Variants in CDH7 observed in about 807,000 individuals in gnomAD.
CDH7 encodes the protein cadherin-7.
In CDH7, 25 loss-of-function variants were observed where a neutral mutation model predicts 71.8. That is an observed-to-expected ratio of 0.35 (90% CI 0.25 to 0.49). The LOEUF is 0.49. Ranked by LOEUF, CDH7 falls within the 20% of genes least tolerant of loss-of-function variation. The pLI, the probability that CDH7 is intolerant of heterozygous loss-of-function variation, is 0.99. For missense variants in CDH7, 862 were observed against 974.6 expected, an observed-to-expected ratio of 0.88 and a Z score of 1.54; for synonymous variants, 381 against 363.8, an observed-to-expected ratio of 1.05 and a Z score of -0.54.
In CDH7 at chr18:65,850,506, C is replaced by T. The variant is rs577795729; in HGVS notation, c.1235+6441C>T. Among the ~76,000 whole-genome samples, 50 of 151,782 alleles carry T rather than the reference C, an allele frequency of 3.3e-4. No individual in the cohort carries two copies. In the Middle Eastern group the frequency reaches 0.01, roughly 31 times the overall value. On this transcript the variant is annotated intron_variant, in intron 7 of 11. Coordinates refer to ENST00000397968, the MANE Select transcript of CDH7 (RefSeq NM_004361.5). ...AGCGAGGGTAGCAGGCTCTTCAGAA[C>T]GTGGCAACTGTGATGAATCAGCTGC...
chr18:65,790,220 CAAAAAAAAAAA>C (rs10552878), intron 2 of CDH7, among the ~76,000 whole-genome samples: 2 of 66,500 alleles, frequency 3.0e-5, no homozygotes, highest in African/African-American at 5.2e-5. Context: ...GACTCTCTCT[CAAAAAAAAAAA>C]AAAAAAAAAA....
intron 2 of CDH7, among the ~76,000 whole-genome samples, chr18:65,807,969 G>A (rs1484718): frequency 0.6 from 91,533 of 151,948 alleles, 29,320 homozygotes; most frequent in East Asian, 0.97. Flanking sequence ...CCTGGATCTC[G>A]TTATAGGGAG....
intron 2 of CDH7, among the ~76,000 whole-genome samples, chr18:65,798,646 T>C (rs889807518): frequency 2.6e-5 from 4 of 152,218 alleles, no homozygotes; most frequent in Non-Finnish European, 5.9e-5. Flanking sequence ...AGGACTTGGC[T>C]GACCTTGTGG....
chr18:65,831,594 T>G (rs1912351061), intron 6 of CDH7, among the ~76,000 whole-genome samples: 1 of 152,136 alleles, frequency 6.6e-6, no homozygotes, highest in African/African-American at 2.4e-5. Context: ...TGATTTTCAG[T>G]TCTACTTACC....
In CDH7 at chr18:65,866,315, CAAAAA is replaced by C. The variant is rs1568228989; in HGVS notation, c.1864+3409_1864+3413del. On this transcript the variant is annotated intron_variant, in intron 11 of 11. Transcript: ENST00000397968. Reference sequence around the variant, plus strand: ...CTCCGTCTCAAAAAAAAAAAAAAAACAAAAAAAAAAAAAAACAAAAAAAAAAAAAA... The same window carrying C: ...CTCCGTCTCAAAAAAAAAAAAAAAACAAAAAAAAAACAAAAAAAAAAAAAA... 3.7e-3 allele frequency: 5 copies of C among 1,358 alleles called. 2 individuals carry two copies. The highest frequency in any genetic ancestry group is 7.5e-3 in the African/African-American group (5 of 670). The allele number at this position is 1,358 out of a possible 1,614,324, so 0.1% of individuals were successfully genotyped here. A position where few individuals can be genotyped will look rare whatever the true frequency, so the allele number is the denominator to read the frequency against.
At chr18:65,872,849 C>T (rs902276250) in intron 11 of CDH7, among the ~76,000 whole-genome samples, 13 of 151,852 alleles carry the variant, frequency 8.6e-5, no homozygotes, top group African/African-American at 3.1e-4. Flanking sequence ...GAGCCATGAT[C>T]ACTCCGGCCT....
intron 2 of CDH7, among the ~76,000 whole-genome samples, chr18:65,777,629 G>C (rs1197744182): frequency 2.0e-5 from 3 of 152,026 alleles, no homozygotes; most frequent in Admixed American, 6.6e-5. Context: ...TGCCATTTAT[G>C]AAATGAAAAG....
rs529332816 is a variant in CDH7, at chr18:65,839,622, G to A, written c.982-4190G>A. Among the ~76,000 whole-genome samples, 19 of 152,298 alleles carry A rather than the reference G, an allele frequency of 1.2e-4. No homozygotes were observed. The South Asian group carries it at 3.9e-3, about 32-fold the overall frequency. ...TAAAGATATGTGTGTACAACTCTTT[G>A]TAGTTAGCTCTTAATGTAAAAAAGT... On this transcript the variant is annotated intron_variant, in intron 6 of 11. Transcript: ENST00000397968.
intron 11 of CDH7, among the ~76,000 whole-genome samples, chr18:65,877,180 C>T (rs1310133408): frequency 6.6e-6 from 1 of 151,954 alleles, no homozygotes; most frequent in Non-Finnish European, 1.5e-5. Flanking sequence ...ATTATCTAAC[C>T]TTCCAAAATA....
chr18:65,794,945 G>A (rs151081951), intron 2 of CDH7, among the ~76,000 whole-genome samples: 175 of 152,272 alleles, frequency 1.1e-3, no homozygotes, highest in African/African-American at 3.8e-3. Context: ...TGTCTGACAC[G>A]TAATTATGCT....
intron 2 of CDH7, among the ~76,000 whole-genome samples, chr18:65,789,029 G>A (rs1910613035): frequency 6.6e-6 from 1 of 152,176 alleles, no homozygotes; most frequent in Non-Finnish European, 1.5e-5. Context: ...TATAGTTTAT[G>A]TAGTTTGTAC....
chr18:65,815,362 CG>C (rs1313143309), intron 4 of CDH7, among the ~76,000 whole-genome samples: 1 of 151,994 alleles, frequency 6.6e-6, no homozygotes, highest in Non-Finnish European at 1.5e-5. Context: ...TGAAAATCCA[CG>C]TTTTCTCTTT....
chr18:65,811,342 G>A (rs67163047), intron 3 of CDH7, among the ~76,000 whole-genome samples: 34,091 of 151,932 alleles, frequency 0.22, 4,099 homozygotes, highest in Non-Finnish European at 0.27. Flanking sequence ...AAGAGAGAGG[G>A]GAAATTATTT....
rs376072491 is a variant in CDH7, at chr18:65,781,827, T to C, written c.210+18775T>C. The stretch of plus-strand genomic sequence containing the variant: ...CCTTCCTTCCTTCCTTCCTTCTTTC[T>C]TTCTTTCTTTCTTTCTTTCTTTCTT... On this transcript the variant is annotated intron_variant, in intron 2 of 11. Transcript: ENST00000397968. 4.6e-3 allele frequency among the ~76,000 whole-genome samples: 248 copies of C among 53,876 alleles called. 2 individuals carry two copies. Among genetic ancestry groups the C allele is most frequent in the Middle Eastern group, 0.012 (1 of 84 alleles). 35.3% of individuals were successfully genotyped at this position (53,876 alleles called of 152,430 possible).
In CDH7 at chr18:65,781,847, T is replaced by TC. The variant is rs1568181586; in HGVS notation, c.210+18795_210+18796insC. Among the ~76,000 whole-genome samples, 38 of 100,512 alleles carry TC rather than the reference T, an allele frequency of 3.8e-4. 3 individuals are homozygous for TC. Among genetic ancestry groups the TC allele is most frequent in the African/African-American group, 2.2e-3 (34 of 15,268 alleles). 65.9% of individuals were successfully genotyped at this position (100,512 alleles called of 152,430 possible). ...CTTTCTTTCTTTCTTTCTTTCTTTCTTTCTTTCTTTCTTTCTTTCTCTCTC... is the reference window on the plus strand; with the variant it reads ...CTTTCTTTCTTTCTTTCTTTCTTTCTCTTCTTTCTTTCTTTCTTTCTCTCTC... On this transcript the variant is annotated intron_variant, in intron 2 of 11. Coordinates refer to ENST00000397968, the MANE Select transcript of CDH7 (RefSeq NM_004361.5).
chr18:65,878,937 C>T (rs1431281034), intron 11 of CDH7, among the ~76,000 whole-genome samples: 4 of 152,022 alleles, frequency 2.6e-5, no homozygotes. Flanking sequence ...GAAAAAGTGC[C>T]ACAAAAAAAC....
chr18:65,798,143 A>T (rs11873878), intron 2 of CDH7, among the ~76,000 whole-genome samples: 8,561 of 152,220 alleles, frequency 0.056, 338 homozygotes, highest in South Asian at 0.14. Flanking sequence ...CAAATAAAGA[A>T]CACCAGAATG....
intron 1 of CDH7, among the ~76,000 whole-genome samples, chr18:65,752,140 C>A (rs12232729): frequency 0.36 from 54,135 of 152,044 alleles, 10,038 homozygotes; most frequent in Middle Eastern, 0.48. Flanking sequence ...GAGACCTTTA[C>A]GTAAGACTTG....
At chr18:65,775,593 C>T (rs868395083) in intron 2 of CDH7, among the ~76,000 whole-genome samples, 3 of 151,946 alleles carry the variant, frequency 2.0e-5, no homozygotes, top group East Asian at 1.9e-4. Context: ...CCTTGGACCA[C>T]GTTGAAAGAA....
Sources: gnomAD v4.1 joint callset for allele counts (sites outside exome capture counted in the v4.1 genomes callset) on GRCh38, gnomAD v4.1.1 for gene constraint, MANE v1.5 for transcripts, NCBI Gene and HGNC (gene_info 2026-07-23, HGNC 2026-07-21) for gene names.